Variants in TYR observed in about 807,000 individuals in gnomAD.
TYR encodes LB24-AB.
A neutral mutation model predicts 51.5 loss-of-function variants in TYR; 58 were observed. The observed-to-expected ratio is 1.13, with a 90% confidence interval of 0.91 to 1.40. The LOEUF is 1.40. Ranked by LOEUF, TYR falls within the 40% of genes most tolerant of loss-of-function variation. The pLI is 0.00. For synonymous variants in TYR, 263 were observed against 235.2 expected, an observed-to-expected ratio of 1.12 and a Z score of -1.08; for missense variants, 732 against 647.4, an observed-to-expected ratio of 1.13 and a Z score of -1.42.
At chr11:89,239,979 C>T (rs1471203358) in intron 3 of TYR, among the ~76,000 whole-genome samples, 2 of 152,084 alleles carry the variant, frequency 1.3e-5, no homozygotes, top group Admixed American at 6.6e-5. Flanking sequence ...TTATGATAAA[C>T]CATGTGTGTG....
chr11:89,251,838 T>C (rs1944333722), intron 3 of TYR, among the ~76,000 whole-genome samples: 1 of 151,782 alleles, frequency 6.6e-6, no homozygotes, highest in Non-Finnish European at 1.5e-5. Context: ...TTCTGTGAGG[T>C]GCCTTGATGC....
intron 3 of TYR, among the ~76,000 whole-genome samples, chr11:89,271,067 A>G (rs1458289810): frequency 6.6e-6 from 1 of 151,960 alleles, no homozygotes; most frequent in Non-Finnish European, 1.5e-5. Flanking sequence ...AAGATGTAGG[A>G]GAATATAAAA....
chr11:89,209,948 A>G (rs1943730041), intron 2 of TYR, among the ~76,000 whole-genome samples: 1 of 152,198 alleles, frequency 6.6e-6, no homozygotes, highest in Non-Finnish European at 1.5e-5. Flanking sequence ...ATCCAAAGCA[A>G]AACCCCATTT....
intron 2 of TYR, among the ~76,000 whole-genome samples, chr11:89,211,010 A>G (rs1943746795): frequency 1.3e-5 from 2 of 152,266 alleles, no homozygotes; most frequent in South Asian, 4.1e-4. Context: ...GCAAAAACAC[A>G]CCAAATTGTA....
intron 3 of TYR, among the ~76,000 whole-genome samples, chr11:89,235,081 T>C (rs1944093796): frequency 6.6e-6 from 1 of 151,790 alleles, no homozygotes; most frequent in Admixed American, 6.6e-5. Flanking sequence ...GATGAAAAAA[T>C]GCTCAATATC....
chr11:89,256,721 C>A (rs766402294), intron 3 of TYR, among the ~76,000 whole-genome samples: 20 of 151,762 alleles, frequency 1.3e-4, no homozygotes, highest in Non-Finnish European at 2.4e-4. Context: ...ATATTAGAAT[C>A]TAATAGTTTT....
At chr11:89,184,215 A>C (rs1277762427) in intron 1 of TYR, among the ~76,000 whole-genome samples, 2 of 151,514 alleles carry the variant, frequency 1.3e-5, no homozygotes, top group South Asian at 2.1e-4. Flanking sequence ...CCGAACACTT[A>C]GTCACTTGGC....
chr11:89,216,401 T>G lies in TYR; in HGVS notation c.1037-11422T>G, dbSNP rs188245039. On this transcript the variant is annotated intron_variant, in intron 2 of 4. Coordinates refer to ENST00000263321, the MANE Select transcript of TYR (RefSeq NM_000372.5). ...AAATGAGGCCCACTTTATGGTATCA[T>G]AAGAAAACTCAAGGCTGAGGTGCAC... Among the ~76,000 whole-genome samples the G allele has an allele frequency of 2.6e-5, 4 of 152,172 alleles. No homozygotes were observed. The East Asian group carries it at 7.7e-4, about 29-fold the overall frequency.
intron 3 of TYR, among the ~76,000 whole-genome samples, chr11:89,266,369 C>T (rs1303846125): frequency 6.6e-6 from 1 of 151,882 alleles, no homozygotes; most frequent in Non-Finnish European, 1.5e-5. Flanking sequence ...AATTTTGCTT[C>T]TTTTAGATGG....
At chr11:89,179,002 G>T (rs1015371673) in intron 1 of TYR, among the ~76,000 whole-genome samples, 2 of 152,138 alleles carry the variant, frequency 1.3e-5, no homozygotes, top group African/African-American at 4.8e-5. Context: ...AAACTGCAAT[G>T]AACAGAGTAC....
intron 3 of TYR, among the ~76,000 whole-genome samples, chr11:89,263,021 T>C (rs1309731494): frequency 6.6e-6 from 1 of 151,732 alleles, no homozygotes; most frequent in East Asian, 1.9e-4. Context: ...GCCAGTATTA[T>C]CCTGTGAGCA....
chr11:89,181,474 G>A (rs1943298144), intron 1 of TYR, among the ~76,000 whole-genome samples: 1 of 152,140 alleles, frequency 6.6e-6, no homozygotes, highest in Non-Finnish European at 1.5e-5. Context: ...GAATGCCTTT[G>A]TCCAAATTGA....
chr11:89,178,087 C>T lies in TYR; in HGVS notation c.134C>T (p.Pro45Leu), dbSNP rs150788061. The T allele has an allele frequency of 5.8e-4, 936 of 1,614,150 alleles. 7 individuals are homozygous for T. The highest frequency in any genetic ancestry group is 1.1e-4 in the Non-Finnish European group (127 of 1,180,020). Residue 45 changes from proline (P) to leucine (L), a missense_variant, in exon 1 of 5, where the codon CCC becomes CTC. Physicochemically the swap from Pro to Leu is moderately conservative, Grantham distance 98 (BLOSUM62 -3). Coordinates refer to ENST00000263321, the MANE Select transcript of TYR (RefSeq NM_000372.5). ...CCACCGTGGAGCGGGGACAGGAGTCCCTGTGGCCAGCTTTCAGGCAGAGGT... is the reference window on the plus strand; with the variant it reads ...CCACCGTGGAGCGGGGACAGGAGTCTCTGTGGCCAGCTTTCAGGCAGAGGT... Reference protein sequence around the residue: ...CCPPWSGDRSPCGQLSGRGSC... With the variant: ...CCPPWSGDRSLCGQLSGRGSC...
At chr11:89,202,774 G>A (rs949415480) in intron 2 of TYR, among the ~76,000 whole-genome samples, 6 of 151,986 alleles carry the variant, frequency 3.9e-5, no homozygotes, top group African/African-American at 1.5e-4. Context: ...TTCTTAAGAT[G>A]TAATAATTAA....
At chr11:89,263,056 G>C (rs1425402477) in intron 3 of TYR, among the ~76,000 whole-genome samples, 2 of 151,428 alleles carry the variant, frequency 1.3e-5, no homozygotes, top group Non-Finnish European at 2.9e-5. Flanking sequence ...TATCACAAGA[G>C]AAAACTACAG....
intron 3 of TYR, among the ~76,000 whole-genome samples, chr11:89,263,132 C>T (rs894358147): frequency 4.0e-5 from 6 of 151,806 alleles, no homozygotes; most frequent in African/African-American, 1.4e-4. Flanking sequence ...AACTGCCCAG[C>T]AGCATATAAA....
intron 1 of TYR, among the ~76,000 whole-genome samples, chr11:89,187,017 T>A (rs1943383204): frequency 1.3e-5 from 2 of 152,258 alleles, no homozygotes; most frequent in South Asian, 4.1e-4. Flanking sequence ...AGAAAATAAA[T>A]GTCTGCTGTT....
At chr11:89,243,126 A>G (rs1944221259) in intron 3 of TYR, among the ~76,000 whole-genome samples, 1 of 152,210 alleles carries the variant, frequency 6.6e-6, no homozygotes, top group Non-Finnish European at 1.5e-5. Flanking sequence ...TAGGTTTTGC[A>G]TTATTCCAGA....
intron 3 of TYR, among the ~76,000 whole-genome samples, chr11:89,255,570 A>C (rs1944380555): frequency 6.6e-6 from 1 of 151,706 alleles, no homozygotes; most frequent in Non-Finnish European, 1.5e-5. Context: ...TAAAATTAAA[A>C]CTCAATTGGT....
Sources: allele counts gnomAD v4.1 joint callset (sites outside exome capture counted in the v4.1 genomes callset), GRCh38; gene constraint gnomAD v4.1.1; transcripts MANE v1.5; gene names NCBI Gene and HGNC (gene_info 2026-07-23, HGNC 2026-07-21).